PLXNA4: variants seen among roughly 807,000 people sequenced by gnomAD.
The protein encoded by PLXNA4 is plexin A4.
PLXNA4 carries 44 observed loss-of-function variants against 191.8 expected under a neutral mutation model. That is an observed-to-expected ratio of 0.23 (90% CI 0.18 to 0.29). The LOEUF is 0.29. Ranked by LOEUF, PLXNA4 falls within the 10% of genes least tolerant of loss-of-function variation. The pLI is 1.00. For synonymous variants in PLXNA4, 1,082 were observed against 1,009.5 expected (o/e 1.07, Z -1.36); for missense variants, 1,800 against 2,488.8 (o/e 0.72, Z 5.89).
At chr7:132,542,467 G>T (rs1031417859) in intron 1 of PLXNA4, among the ~76,000 whole-genome samples, 1 of 152,194 alleles carries the variant, frequency 6.6e-6, no homozygotes, top group South Asian at 2.1e-4. Flanking sequence ...TGTTTGTACT[G>T]TGACAGGTCT....
chr7:132,455,609 T>A (rs1337720128), intron 3 of PLXNA4, among the ~76,000 whole-genome samples: 1 of 152,148 alleles, frequency 6.6e-6, no homozygotes, highest in African/African-American at 2.4e-5. Flanking sequence ...TGAGTGAAAA[T>A]GCTCCTTGGA....
intron 3 of PLXNA4, among the ~76,000 whole-genome samples, chr7:132,311,492 C>T (rs1584976981): frequency 6.6e-6 from 1 of 152,178 alleles, no homozygotes; most frequent in South Asian, 2.1e-4. Context: ...TGGAGCACCA[C>T]ACTGAAGTTT....
rs542408729 is a variant in PLXNA4, at chr7:132,130,362, C to T, written c.*117G>A. 6.9e-5 allele frequency: 96 copies of T among 1,383,696 alleles called. 1 individual carries two copies. In the East Asian group the frequency reaches 2.0e-3, roughly 29 times the overall value. 85.7% of individuals were successfully genotyped at this position (1,383,696 alleles called of 1,614,324 possible). A position where few individuals can be genotyped will look rare whatever the true frequency, so the allele number is the denominator to read the frequency against. On this transcript the variant is annotated 3_prime_UTR_variant, in exon 32 of 32. Transcript: ENST00000321063. ...GGCAGAGAGAAAGAGAGAGAAACAG[C>T]GCTGCTCAGGGGATGCTGCTGATGC...
At position 132,507,629 on chromosome 7, in the gene PLXNA4, C is replaced by T; in HGVS notation, c.1065G>A (p.Leu355=). The change falls in exon 2 of 32, where the codon CTG becomes CTA. Residue 355 remains leucine, a synonymous_variant. Coordinates refer to ENST00000321063, the MANE Select transcript of PLXNA4 (RefSeq NM_020911.2). ...TTATCTGCTTCAAGATGAAGATGCA[C>T]AGGGCCGACTCATCCAGGGATTTCA... The part of the protein sequence containing the change: ...RKMKSLDESA[L]CIFILKQIND... 6.2e-7 allele frequency: 1 copy of T among 1,614,230 alleles called. No individual in the cohort carries two copies. The highest frequency in any genetic ancestry group is 1.3e-5 in the African/African-American group (1 of 75,064).
intron 3 of PLXNA4, among the ~76,000 whole-genome samples, chr7:132,390,503 C>T (rs1439663290): frequency 1.3e-5 from 2 of 152,052 alleles, no homozygotes; most frequent in Non-Finnish European, 2.9e-5. Flanking sequence ...CACCATGGCA[C>T]ATGTATACCT....
chr7:132,354,417 C>T (rs1343715298), intron 3 of PLXNA4, among the ~76,000 whole-genome samples: 1 of 152,208 alleles, frequency 6.6e-6, no homozygotes, highest in African/African-American at 2.4e-5. Context: ...TATTCTACTA[C>T]AGTTCTTCTT....
chr7:132,557,440 G>A (rs565354736), intron 1 of PLXNA4, among the ~76,000 whole-genome samples: 5 of 152,012 alleles, frequency 3.3e-5, no homozygotes, highest in Non-Finnish European at 7.4e-5. Context: ...ACAGAAGATG[G>A]AGGAAATGGC....
chr7:132,540,084 T>TCCAGAGGGTTAG lies in PLXNA4; in HGVS notation c.-86-31306_-86-31305insCTAACCCTCTGG, dbSNP rs1463686482. 5.3e-5 allele frequency among the ~76,000 whole-genome samples: 8 copies of TCCAGAGGGTTAG among 152,334 alleles called. No homozygotes were observed. The East Asian group carries it at 1.5e-3, about 29-fold the overall frequency. Reference sequence around the variant, plus strand: ...CTTTTAGGATCCAGAGGGTCAGGGATGCTCCTCTTGCACTGTGTAAGATGG... The same window carrying TCCAGAGGGTTAG: ...CTTTTAGGATCCAGAGGGTCAGGGATCCAGAGGGTTAGGCTCCTCTTGCACTGTGTAAGATGG... On this transcript the variant is annotated intron_variant, in intron 1 of 31. Coordinates refer to ENST00000321063, the MANE Select transcript of PLXNA4 (RefSeq NM_020911.2).
chr7:132,168,478 G>T lies in PLXNA4; in HGVS notation c.4112C>A (p.Thr1371Lys). The T allele has an allele frequency of 6.8e-6, 11 of 1,613,906 alleles. No homozygotes were observed. The highest frequency in any genetic ancestry group is 9.3e-6 in the Non-Finnish European group (11 of 1,179,854). The part of the protein sequence containing the change: ...NKVFLLSFIR[T>K]LESQRSFSMR... Reference sequence around the variant, plus strand: ...GGAGAAGCTACGCTGGGACTCAAGCGTGCGGATGAAGGACAGCAGGAACAC... The same window carrying T: ...GGAGAAGCTACGCTGGGACTCAAGCTTGCGGATGAAGGACAGCAGGAACAC... The change falls in exon 22 of 32, where the codon ACG (threonine) becomes AAG (lysine). Residue 1371 changes from threonine (T) to lysine (K), a missense_variant. Physicochemically the swap from Thr to Lys is moderately conservative, Grantham distance 78 (BLOSUM62 -1). Coordinates refer to ENST00000321063, the MANE Select transcript of PLXNA4 (RefSeq NM_020911.2).
At chr7:132,179,300 T>C (rs73155260) in intron 20 of PLXNA4, among the ~76,000 whole-genome samples, 8,846 of 120,204 alleles carry the variant, frequency 0.074, 637 homozygotes, top group African/African-American at 0.12. Flanking sequence ...ATGGAACACA[T>C]ACACATACAT....
intron 1 of PLXNA4, among the ~76,000 whole-genome samples, chr7:132,531,016 A>C (rs1053244070): frequency 1.3e-5 from 2 of 152,240 alleles, no homozygotes; most frequent in African/African-American, 4.8e-5. Flanking sequence ...TCTGAATCTC[A>C]AGAATAGGCA....
chr7:132,563,965 TTTC>T (rs1563177177), intron 1 of PLXNA4, among the ~76,000 whole-genome samples: 2 of 69,212 alleles, frequency 2.9e-5, no homozygotes, highest in Non-Finnish European at 3.0e-5. Flanking sequence ...CTCCCCATTC[TTTC>T]TCCTCCTCCT....
intron 3 of PLXNA4, among the ~76,000 whole-genome samples, chr7:132,388,537 GA>G (rs900459508): frequency 2.1e-4 from 32 of 150,382 alleles, no homozygotes; most frequent in Non-Finnish European, 3.4e-4. Context: ...TTTTGGTTCA[GA>G]AAAAAAAAGG....
intron 3 of PLXNA4, among the ~76,000 whole-genome samples, chr7:132,325,425 G>A (rs1242469056): frequency 6.6e-6 from 1 of 152,192 alleles, no homozygotes; most frequent in Non-Finnish European, 1.5e-5. Context: ...CCCCTGAATA[G>A]ATATGCTGAG....
chr7:132,228,424 C>A lies in PLXNA4; in HGVS notation c.1650G>T (p.Arg550Ser). The stretch of plus-strand genomic sequence containing the variant: ...CACACTGCTTCATCTCCGAGGCAAA[C>A]CTGCGGGGCTCCTTGGACCGCTCAC... ...ERCERSKEPR[R>S]FASEMKQCVR... Residue 550 changes from arginine to serine, a missense_variant, in exon 6 of 32, where the codon AGG becomes AGT. Physicochemically the swap from Arg to Ser is moderately radical, Grantham distance 110. Coordinates refer to ENST00000321063, the MANE Select transcript of PLXNA4 (RefSeq NM_020911.2). 1.2e-6 allele frequency: 2 copies of A among 1,614,144 alleles called. No individual in the cohort carries two copies. The highest frequency in any genetic ancestry group is 2.2e-5 in the East Asian group (1 of 44,858).
intron 2 of PLXNA4, among the ~76,000 whole-genome samples, chr7:132,619,955 C>T (rs545143790): frequency 6.6e-6 from 1 of 152,332 alleles, no homozygotes; most frequent in African/African-American, 2.4e-5. Flanking sequence ...CGCCCACCAC[C>T]ATGCCCAGCT....
chr7:132,382,508 C>T (rs1804938617), intron 3 of PLXNA4, among the ~76,000 whole-genome samples: 1 of 152,126 alleles, frequency 6.6e-6, no homozygotes. Context: ...TGGCAGGGAC[C>T]TCAAACCTCC....
intron 3 of PLXNA4, among the ~76,000 whole-genome samples, chr7:132,350,919 T>C (rs1288225748): frequency 1.3e-5 from 2 of 152,110 alleles, no homozygotes; most frequent in East Asian, 3.9e-4. Context: ...GTGAATAAAA[T>C]GTGGTATATC....
At chr7:132,140,240 C>T (rs1427155469) in intron 30 of PLXNA4, among the ~76,000 whole-genome samples, 1 of 152,076 alleles carries the variant, frequency 6.6e-6, no homozygotes, top group Non-Finnish European at 1.5e-5. Context: ...GTAGTTTGGC[C>T]CCTTGAAGTG....
Sources: gnomAD v4.1 joint callset for allele counts (sites outside exome capture counted in the v4.1 genomes callset) on GRCh38, gnomAD v4.1.1 for gene constraint, MANE v1.5 for transcripts, NCBI Gene and HGNC (gene_info 2026-07-23, HGNC 2026-07-21) for gene names.